The following C10orf53 variants were observed in gnomAD, a reference collection of about 807,000 sequenced individuals.
C10orf53 encodes the protein UPF0728 protein C10orf53.
C10orf53 carries 8 observed loss-of-function variants against 9.4 expected under a neutral mutation model. The ratio of observed to expected loss-of-function variants is 0.85; its 90% CI spans 0.50 to 1.53. C10orf53 has a LOEUF of 1.53. C10orf53 is among the 40% of genes most tolerant of loss of function. The probability of loss-of-function intolerance (pLI) is 0.00; values close to 1 mark genes in which losing one functional copy is unlikely to be tolerated. For synonymous variants in C10orf53, 48 were observed against 46.0 expected (o/e 1.04, Z -0.18); for missense variants, 117 against 117.8 (o/e 0.99, Z 0.03).
At chr10:49,708,558 C>T in exon 3 of C10orf53, 3 of 1,614,134 alleles carry the variant, frequency 1.9e-6, no homozygotes, top group Non-Finnish European at 2.5e-6. Flanking sequence ...CCTGGGTTGG[C>T]CAGGCCTGGA....
chr10:49,705,992 C>A (rs1372982135), intron 2 of C10orf53, among the ~76,000 whole-genome samples: 1 of 152,144 alleles, frequency 6.6e-6, no homozygotes, highest in Non-Finnish European at 1.5e-5. Flanking sequence ...CAAATTACGA[C>A]AAGCACAGGA....
rs1295613461 is a variant in C10orf53 at position 49,679,711 on chromosome 10, C to G, written c.14C>G (p.Ala5Gly). ...GGAGGCCTGGCGATGCCCAAGAACG[C>G]AGTGGTCATCCTGCGCTATGGGCCC... MPKNAVVILRYGPYS... is the reference protein window; with the variant it reads MPKNGVVILRYGPYS... The change falls in exon 1 of 3, where the codon GCA becomes GGA. Residue 5 changes from alanine to glycine, a missense_variant. Physicochemically the swap from Ala to Gly is moderately conservative, Grantham distance 60. Coordinates refer to ENST00000374111, the MANE Select transcript of C10orf53 (RefSeq NM_001042427.3). 1 of 1,547,960 alleles carries G rather than the reference C, an allele frequency of 6.5e-7. No homozygotes were observed. Among genetic ancestry groups the G allele is most frequent in the Non-Finnish European group, 8.7e-7 (1 of 1,145,846 alleles).
chr10:49,694,370 C>T (rs981900887), intron 2 of C10orf53, 168 bp from the exon 3 acceptor site: 1 of 965,584 alleles, frequency 1.0e-6, no homozygotes, highest in Non-Finnish European at 1.5e-6. Context: ...TCTCTGTGCT[C>T]AGAAGTTAAA....
intron 2 of C10orf53, among the ~76,000 whole-genome samples, chr10:49,703,108 G>C (rs571417152): frequency 6.6e-6 from 1 of 152,206 alleles, no homozygotes; most frequent in Admixed American, 6.5e-5. Context: ...TGCCAGACTA[G>C]AGTCAAGCTC....
At chr10:49,684,748 C>A (rs549220770) in intron 1 of C10orf53, among the ~76,000 whole-genome samples, 1 of 152,308 alleles carries the variant, frequency 6.6e-6, no homozygotes, top group South Asian at 2.1e-4. Flanking sequence ...GCATTAACAA[C>A]ATTTTTTTAA....
In C10orf53 at chr10:49,679,759, T is replaced by C; in HGVS notation, c.62T>C (p.Val21Ala). ...CCCTACAGCGCGGCAGGCCTACCGGTGGAGCACCACACCTTCCGCCTGCAG... is the reference window on the plus strand; with the variant it reads ...CCCTACAGCGCGGCAGGCCTACCGGCGGAGCACCACACCTTCCGCCTGCAG... ...YGPYSAAGLPVEHHTFRLQGL... is the reference protein window; with the variant it reads ...YGPYSAAGLPAEHHTFRLQGL... The change falls in exon 1 of 3, where the codon GTG becomes GCG. Residue 21 changes from valine to alanine, a missense_variant. Coordinates refer to ENST00000374111, the MANE Select transcript of C10orf53 (RefSeq NM_001042427.3). The C allele has an allele frequency of 6.5e-7, 1 of 1,546,296 alleles. No homozygotes were observed. Among genetic ancestry groups the C allele is most frequent in the South Asian group, 1.2e-5 (1 of 83,668 alleles).
downstream of C10orf53, among the ~76,000 whole-genome samples, chr10:49,698,489 G>A (rs1840654797): frequency 6.6e-6 from 1 of 152,138 alleles, no homozygotes; most frequent in South Asian, 2.1e-4. Flanking sequence ...CTGGTCCCCT[G>A]CTTCAGACAT....
chr10:49,702,476 A>G (rs1011799096), downstream of C10orf53, among the ~76,000 whole-genome samples: 1 of 152,152 alleles, frequency 6.6e-6, no homozygotes, highest in Admixed American at 6.5e-5. Context: ...TCCAAATCTG[A>G]ATAGAGTGAA....
At chr10:49,703,787 TA>T (rs1172084492) in intron 2 of C10orf53, among the ~76,000 whole-genome samples, 1 of 152,240 alleles carries the variant, frequency 6.6e-6, no homozygotes, top group Non-Finnish European at 1.5e-5. Flanking sequence ...TATGTAAATG[TA>T]ATGCTATACC....
At chr10:49,694,073 C>T (rs1465791316) in intron 2 of C10orf53, 180 bp downstream of exon 2, 3 of 790,154 alleles carry the variant, frequency 3.8e-6, no homozygotes, top group Non-Finnish European at 6.0e-6. Context: ...TCCAAAACCA[C>T]ACAGTAAAGT....
intron 2 of C10orf53, 134 bp from the exon 3 acceptor site, chr10:49,694,404 A>T (rs1271341344): frequency 1.6e-6 from 2 of 1,234,972 alleles, no homozygotes; most frequent in African/African-American, 3.0e-5. Context: ...CTAACACTCT[A>T]TTAAAAACTA....
intron 2 of C10orf53, among the ~76,000 whole-genome samples, chr10:49,703,354 C>T (rs1279354949): frequency 2.0e-5 from 3 of 152,202 alleles, no homozygotes; most frequent in African/African-American, 7.2e-5. Context: ...CATATCAACA[C>T]ACGCCATGGG....
At chr10:49,687,324 A>T (rs1436910433) in intron 1 of C10orf53, among the ~76,000 whole-genome samples, 2 of 152,234 alleles carry the variant, frequency 1.3e-5, no homozygotes, top group South Asian at 4.1e-4. Context: ...TACACAACTT[A>T]TCAGTATTGG....
rs547927966 is a variant in C10orf53 at position 49,695,578 on chromosome 10, A to C, written c.*976A>C. 2.0e-5 allele frequency: 3 copies of C among 152,340 alleles called. No homozygotes were observed. In the East Asian group the frequency reaches 5.8e-4, roughly 29 times the overall value. 9.4% of individuals were successfully genotyped at this position (152,340 alleles called of 1,614,324 possible). On this transcript the variant is annotated 3_prime_UTR_variant, in exon 3 of 3. Coordinates refer to ENST00000374111, the MANE Select transcript of C10orf53 (RefSeq NM_001042427.3). ...GGATCGCTCAGAGACCTGCGGCTTC[A>C]CCTGCTCTGAGAGCAGTCCTAACCA...
chr10:49,699,200 T>TTTTTTTTTTTTTTTG, downstream of C10orf53, among the ~76,000 whole-genome samples: 2 of 127,300 alleles, frequency 1.6e-5, 1 homozygote, highest in Non-Finnish European at 3.3e-5. Flanking sequence ...CTTTTTTTTT[T>TTTTTTTTTTTTTTTG]TTTTTTTTTT....
At chr10:49,688,721 A>T (rs1840553048) in intron 1 of C10orf53, among the ~76,000 whole-genome samples, 1 of 147,838 alleles carries the variant, frequency 6.8e-6, no homozygotes, top group Non-Finnish European at 1.5e-5. Context: ...GATCCTAGCC[A>T]GCTCCCACCT....
Position 49,679,719 on chromosome 10 carries a change from A to G in C10orf53, c.22A>G (p.Ile8Val), listed in dbSNP as rs1840460071. ...GGCGATGCCCAAGAACGCAGTGGTC[A>G]TCCTGCGCTATGGGCCCTACAGCGC... MPKNAVV[I>V]LRYGPYSAAG... The change falls in exon 1 of 3, where the codon ATC becomes GTC. Residue 8 changes from isoleucine to valine, a missense_variant. Physicochemically the swap from Ile to Val is conservative, Grantham distance 29 (BLOSUM62 3). Coordinates refer to ENST00000374111, the MANE Select transcript of C10orf53 (RefSeq NM_001042427.3). The G allele has an allele frequency of 6.5e-7, 1 of 1,548,230 alleles. No individual in the cohort carries two copies. Among genetic ancestry groups the G allele is most frequent in the Admixed American group, 2.0e-5 (1 of 50,784 alleles).
chr10:49,702,221 AAGGAAGGGAGGGAGGGAGGG>A (rs1168064663), downstream of C10orf53, among the ~76,000 whole-genome samples: 7 of 118,550 alleles, frequency 5.9e-5, no homozygotes, highest in East Asian at 2.7e-4. Context: ...AAAAGGAAGG[AAGGAAGGGAGGGAGGGAGGG>A]AGGGAGGGAG....
chr10:49,703,565 G>T (rs1387617098), intron 2 of C10orf53, among the ~76,000 whole-genome samples: 2 of 152,204 alleles, frequency 1.3e-5, no homozygotes, highest in Non-Finnish European at 2.9e-5. Flanking sequence ...CCACATACTG[G>T]CACAAGGTAG....
Sources: gnomAD v4.1 joint callset for allele counts (sites outside exome capture counted in the v4.1 genomes callset) on GRCh38, gnomAD v4.1.1 for gene constraint, MANE v1.5 for transcripts, NCBI Gene and HGNC (gene_info 2026-07-23, HGNC 2026-07-21) for gene names.